Variants in CASZ1 observed in about 807,000 individuals in gnomAD.
CASZ1 encodes the protein castor zinc finger 1.
In CASZ1, 28 loss-of-function variants were observed where a neutral mutation model predicts 135.2. The ratio of observed to expected loss-of-function variants is 0.21; its 90% CI spans 0.15 to 0.28. The LOEUF is 0.28. Among genes scored for constraint, CASZ1 ranks in the 10% least tolerant of loss-of-function variants. The pLI, the probability that CASZ1 is intolerant of heterozygous loss-of-function variation, is 1.00. For missense variants in CASZ1, 2,161 were observed against 2,453.3 expected, an observed-to-expected ratio of 0.88 and a Z score of 2.52; for synonymous variants, 1,068 against 1,073.4, an observed-to-expected ratio of 0.99 and a Z score of 0.10.
chr1:10,663,572 TC>T (rs1187374364), intron 5 of CASZ1, among the ~76,000 whole-genome samples: 2 of 152,144 alleles, frequency 1.3e-5, no homozygotes, highest in Non-Finnish European at 2.9e-5. Context: ...AGCTGAGCCC[TC>T]GCTATATATG....
chr1:10,763,136 C>T (rs907453960), intron 1 of CASZ1, among the ~76,000 whole-genome samples: 3 of 152,226 alleles, frequency 2.0e-5, no homozygotes, highest in Admixed American at 6.5e-5. Flanking sequence ...GGGCACAGGC[C>T]GCGGGGCCTT....
intron 4 of CASZ1, among the ~76,000 whole-genome samples, chr1:10,677,272 C>T (rs930715354): frequency 3.3e-5 from 5 of 152,048 alleles, no homozygotes; most frequent in East Asian, 3.9e-4. Flanking sequence ...GCCAAAGCCT[C>T]GCTGGAGCAG....
chr1:10,650,559 TCAAAATTTAAATGGTA>T, intron 13 of CASZ1, 117 bp downstream of exon 13: 1 of 720,286 alleles, frequency 1.4e-6, no homozygotes, highest in Admixed American at 2.4e-5. Flanking sequence ...AAAAATGGCC[TCAAAATTTAAATGGTA>T]CAAACTCATC....
At chr1:10,750,232 AG>A (rs1171304227) in intron 2 of CASZ1, among the ~76,000 whole-genome samples, 1 of 152,166 alleles carries the variant, frequency 6.6e-6, no homozygotes, top group African/African-American at 2.4e-5. Flanking sequence ...GTGTGACATG[AG>A]GCCTGGCTAG....
chr1:10,703,568 T>C (rs973039637), intron 3 of CASZ1, among the ~76,000 whole-genome samples: 2 of 151,990 alleles, frequency 1.3e-5, no homozygotes, highest in African/African-American at 4.8e-5. Flanking sequence ...CCCAGGGCCC[T>C]GACACAGAAA....
In CASZ1 at chr1:10,739,956, A is replaced by G. The variant is rs1639881435; in HGVS notation, c.-77+20745T>C. 6.6e-6 allele frequency among the ~76,000 whole-genome samples: 1 copy of G among 152,148 alleles called. No individual in the cohort carries two copies. ...AGGGACCACAGCCAACCCACCACACAGGTGGAGCCCATGGACAAGGTCTCA... is the reference window on the plus strand; with the variant it reads ...AGGGACCACAGCCAACCCACCACACGGGTGGAGCCCATGGACAAGGTCTCA... On this transcript the variant is annotated intron_variant, in intron 2 of 20. Coordinates refer to ENST00000377022, the MANE Select transcript of CASZ1 (RefSeq NM_001079843.3). The surrounding 1 kb of genome is among the most constrained non-coding windows in gnomAD (Gnocchi z 4.8).
At chr1:10,682,603 G>C (rs1349877299) in intron 4 of CASZ1, among the ~76,000 whole-genome samples, 1 of 152,230 alleles carries the variant, frequency 6.6e-6, no homozygotes, top group Non-Finnish European at 1.5e-5. Flanking sequence ...TGAGAACCCT[G>C]AACAGAAATG....
At chr1:10,674,755 C>G (rs1459245449) in intron 4 of CASZ1, among the ~76,000 whole-genome samples, 5 of 152,350 alleles carry the variant, frequency 3.3e-5, no homozygotes, top group African/African-American at 1.2e-4. Context: ...CCCCGTGTGG[C>G]CCTGCTCACC....
chr1:10,689,064 G>C (rs573328381), intron 4 of CASZ1, among the ~76,000 whole-genome samples: 12 of 152,338 alleles, frequency 7.9e-5, no homozygotes, highest in Admixed American at 7.8e-4. Context: ...AGGGAAGGCC[G>C]TGTTAGAAGG....
At chr1:10,698,318 G>A (rs947968004) in intron 3 of CASZ1, among the ~76,000 whole-genome samples, 7 of 152,298 alleles carry the variant, frequency 4.6e-5, no homozygotes, top group African/African-American at 1.2e-4. Context: ...GGAGAAATCC[G>A]ATTATCCCTA....
rs992944392 is a variant in CASZ1 at position 10,676,568 on chromosome 1, ATC to A, written c.17-10999_17-10998del. 6.6e-6 allele frequency among the ~76,000 whole-genome samples: 1 copy of A among 151,432 alleles called. No individual in the cohort carries two copies. The highest frequency in any genetic ancestry group is 2.4e-5 in the African/African-American group (1 of 41,148). On this transcript the variant is annotated intron_variant, in intron 4 of 20. Transcript: ENST00000377022. The surrounding 1 kb of genome is among the most constrained non-coding windows in gnomAD (Gnocchi z 4.5). ...CCTCCATCTCTCTCTGTGCCTCTCC[ATC>A]TCTCTCTGTGCCTCGGTGGACCAAC...
chr1:10,750,158 ATGGGCTCT>A (rs1287866008), intron 2 of CASZ1, among the ~76,000 whole-genome samples: 1 of 152,110 alleles, frequency 6.6e-6, no homozygotes, highest in Non-Finnish European at 1.5e-5. Flanking sequence ...GGAGCCAGGG[ATGGGCTCT>A]TCTGCAATGA....
rs752499360 is a variant in CASZ1 at position 10,643,177 on chromosome 1, G to A, written c.4003C>T (p.Arg1335Cys). ...MRRMLGKNFD[R>C]VPPSQGPPGL... Reference sequence around the variant, plus strand: ...GCTCTCACCTGGGAGGGGGGCACGCGGTCGAAGTTCTTCCCCAGCATCCTC... The same window carrying A: ...GCTCTCACCTGGGAGGGGGGCACGCAGTCGAAGTTCTTCCCCAGCATCCTC... The change falls in exon 19 of 21, where the codon CGC becomes TGC. Residue 1335 changes from arginine (R) to cysteine (C), a missense_variant. Physicochemically the swap from Arg to Cys is radical, Grantham distance 180. Coordinates refer to ENST00000377022, the MANE Select transcript of CASZ1 (RefSeq NM_001079843.3). 17 of 1,611,490 alleles carry A rather than the reference G, an allele frequency of 1.1e-5. No individual in the cohort carries two copies. The highest frequency in any genetic ancestry group is 8.9e-5 in the East Asian group (4 of 44,894).
intron 9 of CASZ1, among the ~76,000 whole-genome samples, chr1:10,655,394 A>G (rs1326757831): frequency 6.6e-6 from 1 of 152,240 alleles, no homozygotes; most frequent in Non-Finnish European, 1.5e-5. Flanking sequence ...TAAACAGCTC[A>G]CTGAATTTCA....
chr1:10,729,167 G>C (rs1191332607), intron 2 of CASZ1, among the ~76,000 whole-genome samples: 3 of 152,192 alleles, frequency 2.0e-5, no homozygotes, highest in African/African-American at 7.2e-5. Flanking sequence ...CAGGCCCTCG[G>C]CGTTGAAGGC....
intron 2 of CASZ1, among the ~76,000 whole-genome samples, chr1:10,715,992 GCTCCCCACAGCACCCAATCCA>G (rs1639382023): frequency 1.5e-5 from 1 of 68,170 alleles, no homozygotes; most frequent in African/African-American, 5.9e-5. Context: ...CACCCAATCC[GCTCCCCACAGCACCCAATCCA>G]CACCCCACAG....
chr1:10,652,732 T>C (rs1457924555), intron 11 of CASZ1: 1 of 152,334 alleles, frequency 6.6e-6, no homozygotes, highest in East Asian at 1.9e-4. Flanking sequence ...TGGCAGTCCC[T>C]GGCCAAGTGT....
rs1216794046 is a variant in CASZ1 at position 10,725,031 on chromosome 1, G to T, written c.-76-19487C>A. Reference sequence around the variant, plus strand: ...ATTGGGACCACATGTTGGCCGGGAGGGAGCCCACAGAGGACGGAGGGAAGC... The same window carrying T: ...ATTGGGACCACATGTTGGCCGGGAGTGAGCCCACAGAGGACGGAGGGAAGC... On this transcript the variant is annotated intron_variant, in intron 2 of 20. Coordinates refer to ENST00000377022, the MANE Select transcript of CASZ1 (RefSeq NM_001079843.3). The surrounding 1 kb of genome is among the most constrained non-coding windows in gnomAD (Gnocchi z 4.4). Among the ~76,000 whole-genome samples the T allele has an allele frequency of 6.6e-6, 1 of 152,230 alleles. No homozygotes were observed. Among genetic ancestry groups the T allele is most frequent in the African/African-American group, 2.4e-5 (1 of 41,452 alleles).
rs1642006481 is a variant in CASZ1 at position 10,636,680 on chromosome 1, A to AAT, written c.*2260_*2261dup. 1.3e-5 allele frequency: 2 copies of AAT among 152,324 alleles called. No homozygotes were observed. The highest frequency in any genetic ancestry group is 1.3e-4 in the Admixed American group (2 of 15,278). 9.4% of individuals were successfully genotyped at this position (152,324 alleles called of 1,614,324 possible). ...CAAAAAAAAAAAAAAAAATCAAATA[A>AAT]ATAAAACACATATATTAAATTTCTA... On this transcript the variant is annotated 3_prime_UTR_variant, in exon 21 of 21. Coordinates refer to ENST00000377022, the MANE Select transcript of CASZ1 (RefSeq NM_001079843.3).
Sources: allele counts gnomAD v4.1 joint callset (sites outside exome capture counted in the v4.1 genomes callset), GRCh38; gene constraint gnomAD v4.1.1; non-coding constraint Gnocchi (gnomAD v3.1); transcripts MANE v1.5; gene names NCBI Gene and HGNC (gene_info 2026-07-23, HGNC 2026-07-21).